MYBL1: variants seen among roughly 807,000 people sequenced by gnomAD.
MYBL1 encodes the protein MYB proto-oncogene like 1.
Under a neutral mutation model 96.3 loss-of-function variants are expected in MYBL1, and 17 were observed. That is an observed-to-expected ratio of 0.18 (90% CI 0.12 to 0.26). MYBL1 has a LOEUF of 0.26. MYBL1 is among the 10% of genes least tolerant of loss of function. MYBL1 has a pLI of 1.00. For missense variants in MYBL1, 701 were observed against 882.9 expected (o/e 0.79, Z 2.61); for synonymous variants, 282 against 292.7 (o/e 0.96, Z 0.37).
intron 8 of MYBL1, among the ~76,000 whole-genome samples, chr8:66,592,099 C>T (rs1157877058): frequency 2.6e-5 from 4 of 151,836 alleles, no homozygotes; most frequent in African/African-American, 4.8e-5. Context: ...AACCCCATCT[C>T]TACAAAAATA....
intron 1 of MYBL1, 57 bp from the exon 2 acceptor site, chr8:66,602,580 A>G: frequency 8.2e-7 from 1 of 1,225,986 alleles, no homozygotes; most frequent in Admixed American, 1.9e-5. Flanking sequence ...TGTAAATTCA[A>G]ACACTGAACT....
chr8:66,603,444 G>A (rs6986940), intron 1 of MYBL1, among the ~76,000 whole-genome samples: 20,305 of 150,984 alleles, frequency 0.13, 3,236 homozygotes, highest in African/African-American at 0.38. Context: ...ACAAGACACT[G>A]TTGTGAGACA....
At chr8:66,602,978 C>T (rs989348852) in intron 1 of MYBL1, among the ~76,000 whole-genome samples, 3 of 151,694 alleles carry the variant, frequency 2.0e-5, no homozygotes, top group Admixed American at 1.3e-4. Context: ...ATCTCCTGAC[C>T]TTGTGATCTG....
intron 9 of MYBL1, among the ~76,000 whole-genome samples, chr8:66,577,072 G>A (rs1037697229): frequency 4.0e-5 from 6 of 151,746 alleles, no homozygotes; most frequent in South Asian, 2.1e-4. Flanking sequence ...TTGATGGGAC[G>A]TATCTCAAAA....
Position 66,595,680 on chromosome 8 carries a change from C to G in MYBL1, c.590G>C (p.Gly197Ala). Residue 197 changes from glycine to alanine, a missense_variant, in exon 6 of 16, where the codon GGA (glycine) becomes GCA (alanine). Around this residue, in one of 5 missense-constraint regions of MYBL1, gnomAD observed 396 missense variants for 407.4 expected, o/e 0.97. Transcript: ENST00000522677. ...AGATGAAGATCGTTCTGATTTTATTCCATCTTGTAAATAGCCCTCCTGTTC... is the reference window on the plus strand; with the variant it reads ...AGATGAAGATCGTTCTGATTTTATTGCATCTTGTAAATAGCCCTCCTGTTC... ...KVEQEGYLQD[G>A]IKSERSSSKL... 1.3e-6 allele frequency: 2 copies of G among 1,583,942 alleles called. No homozygotes were observed. The highest frequency in any genetic ancestry group is 1.8e-5 in the Admixed American group (1 of 55,894).
intron 8 of MYBL1, among the ~76,000 whole-genome samples, chr8:66,582,437 G>C (rs1157241287): frequency 6.7e-6 from 1 of 149,150 alleles, no homozygotes; most frequent in South Asian, 2.1e-4. Flanking sequence ...ATAAAAAGAA[G>C]CTGGGCATGG....
At chr8:66,571,495 G>C (rs1273413303) in intron 12 of MYBL1, among the ~76,000 whole-genome samples, 2 of 152,154 alleles carry the variant, frequency 1.3e-5, no homozygotes, top group Admixed American at 6.5e-5. Flanking sequence ...ATATTATCAT[G>C]AAAGTGCTTC....
rs145725988 is a variant in MYBL1 at position 66,580,597 on chromosome 8, C to T, written c.868-231G>A. ...AGATAAAACAAGCATTTACATACAA[C>T]ATAAAGTCCAAACTCTTAGAATCTG... is the stretch of plus-strand genomic sequence containing the variant. On this transcript the variant is annotated intron_variant, in intron 8 of 15. Transcript: ENST00000522677. Among the ~76,000 whole-genome samples the T allele has an allele frequency of 3.2e-3, 487 of 152,242 alleles. 3 individuals are homozygous for T. The highest frequency in any genetic ancestry group is 8.6e-3 in the Admixed American group (131 of 15,286).
At chr8:66,604,054 G>C (rs1197810734) in intron 1 of MYBL1, among the ~76,000 whole-genome samples, 2 of 151,636 alleles carry the variant, frequency 1.3e-5, no homozygotes, top group East Asian at 1.9e-4. Context: ...ATACACTGTA[G>C]AGAAATAAAA....
At chr8:66,567,762 G>A (rs1808563567) in intron 12 of MYBL1, among the ~76,000 whole-genome samples, 1 of 152,002 alleles carries the variant, frequency 6.6e-6, no homozygotes, top group African/African-American at 2.4e-5. Context: ...TAAAAGAACT[G>A]GCAGCACTTA....
At chr8:66,608,709 CT>C (rs922976743) in intron 1 of MYBL1, among the ~76,000 whole-genome samples, 1 of 152,102 alleles carries the variant, frequency 6.6e-6, no homozygotes, top group African/African-American at 2.4e-5. Context: ...TTTACATAAT[CT>C]TTTGACATTT....
chr8:66,565,004 A>G, intron 15 of MYBL1, 179 bp from the exon 16 acceptor site: 1 of 362,296 alleles, frequency 2.8e-6, no homozygotes, highest in Non-Finnish European at 4.7e-6. Context: ...ATATACTGAA[A>G]TATTTTTTAT....
At chr8:66,576,459 A>C in intron 9 of MYBL1, 84 bp from the exon 10 acceptor site, 1 of 1,427,884 alleles carries the variant, frequency 7.0e-7, no homozygotes, top group Non-Finnish European at 9.4e-7. Flanking sequence ...ATTTCCACAG[A>C]GTTAATTAAC....
In MYBL1 at chr8:66,573,327, C is replaced by G. The variant is rs141753018; in HGVS notation, c.1613+37G>C. 6,667 of 1,558,930 alleles carry G rather than the reference C, an allele frequency of 4.3e-3. 17 individuals are homozygous for G. Among genetic ancestry groups the G allele is most frequent in the Non-Finnish European group, 5.0e-3 (5,765 of 1,153,030 alleles). On this transcript the variant is annotated intron_variant, in intron 11 of 15. Coordinates refer to ENST00000522677, the MANE Select transcript of MYBL1 (RefSeq NM_001080416.4). ...CTAATCTACTTTAACACTGTGCTCC[C>G]CATTTTCTCTAACACAATTATTTAA...
At chr8:66,601,793 G>T in intron 2 of MYBL1, 24 bp from the exon 3 acceptor site, 1 of 1,311,634 alleles carries the variant, frequency 7.6e-7, no homozygotes, top group South Asian at 1.4e-5. Flanking sequence ...ACAAAAATTA[G>T]AAAGCTTTCC....
Position 66,583,763 on chromosome 8 carries a change from G to C in MYBL1, c.868-3397C>G, listed in dbSNP as rs940141955. ...ATATAACCTATCAAGATTGAACCAA[G>C]AAGAAACAGAAAACCTGAACAGACC... is the stretch of plus-strand genomic sequence containing the variant. On this transcript the variant is annotated intron_variant, in intron 8 of 15. Transcript: ENST00000522677. Among the ~76,000 whole-genome samples the C allele has an allele frequency of 2.0e-5, 3 of 152,250 alleles. No homozygotes were observed. In the East Asian group the frequency reaches 5.8e-4, roughly 29 times the overall value.
At chr8:66,593,629 T>C (rs1323254182) in intron 6 of MYBL1, among the ~76,000 whole-genome samples, 2 of 152,210 alleles carry the variant, frequency 1.3e-5, no homozygotes, top group African/African-American at 4.8e-5. Context: ...TCATATCTCC[T>C]ACTTTTATCA....
intron 5 of MYBL1, among the ~76,000 whole-genome samples, chr8:66,596,420 A>C (rs1297697025): frequency 1.3e-5 from 2 of 152,176 alleles, no homozygotes; most frequent in Non-Finnish European, 2.9e-5. Context: ...TTCATCCCTC[A>C]TAAAATATAC....
intron 8 of MYBL1, among the ~76,000 whole-genome samples, chr8:66,585,374 T>G (rs1400345782): frequency 2.0e-5 from 3 of 152,190 alleles, no homozygotes; most frequent in African/African-American, 7.2e-5. Context: ...CCTCCTTTTT[T>G]GTGAAAGAAG....
Sources: gnomAD v4.1 joint callset for allele counts (sites outside exome capture counted in the v4.1 genomes callset) on GRCh38, gnomAD v4.1.1 for gene constraint, gnomAD v4.1.1 regional missense constraint, MANE v1.5 for transcripts, NCBI Gene and HGNC (gene_info 2026-07-23, HGNC 2026-07-21) for gene names.